Variants in GPR174 observed in about 807,000 individuals in gnomAD.
GPR174 encodes the protein G protein-coupled receptor 174, also known as probable G protein-coupled receptor 174.
In GPR174, 8 loss-of-function variants were observed where a neutral mutation model predicts 16.5. That is an observed-to-expected ratio of 0.48 (90% CI 0.28 to 0.87). GPR174 has a LOEUF of 0.87. Among genes scored for constraint, GPR174 ranks in the 40% least tolerant of loss-of-function variants. The pLI is 0.09. For synonymous variants in GPR174, 111 were observed against 94.8 expected (o/e 1.17, Z -0.99); for missense variants, 214 against 247.5 (o/e 0.86, Z 0.91).
intron 1 of GPR174, among the ~76,000 whole-genome samples, chrX:79,147,572 T>G (rs1318032008): frequency 9.6e-6 from 1 of 103,688 alleles, no homozygotes; most frequent in Admixed American, 1.1e-4. Flanking sequence ...AACAAAGACC[T>G]GGCCATGTAC....
intron 1 of GPR174, among the ~76,000 whole-genome samples, chrX:79,156,100 T>C (rs992193702): frequency 1.9e-4 from 21 of 112,209 alleles, no homozygotes; most frequent in African/African-American, 6.5e-4. Context: ...AACCCCTTCT[T>C]GTAGTATTTT....
At position 79,170,718 on chromosome X, in the gene GPR174, G is replaced by T. The variant is rs190488259; in HGVS notation, c.-290G>T. 2.3e-5 allele frequency: 7 copies of T among 303,613 alleles called. No homozygotes were observed. In the East Asian group the frequency reaches 4.1e-4, roughly 18 times the overall value. The allele number at this position is 303,613 out of a possible 1,213,427, so 25.0% of individuals were successfully genotyped here. On this transcript the variant is annotated 5_prime_UTR_variant, in exon 3 of 3. The change creates a new upstream start codon in the 5' untranslated region. Transcript: ENST00000645147. ...GAATAAGCTCTCATGATGTCCCAGA[G>T]GGCCTTAAAATAAACAAGAGGGGAA...
intron 1 of GPR174, among the ~76,000 whole-genome samples, chrX:79,154,472 A>G (rs752440180): frequency 2.8e-4 from 31 of 111,842 alleles, no homozygotes; most frequent in African/African-American, 1.0e-3. Context: ...AATCTGTGCC[A>G]ACTAGAAAAG....
At position 79,171,295 on chromosome X, in the gene GPR174, C is replaced by T; in HGVS notation, c.288C>T (p.Tyr96=). The stretch of plus-strand genomic sequence containing the variant: ...CTGGTCTCTGCATGTTCTGTTTCTA[C>T]CTGAAGTATGTCAACATGTATGCAA... ...FGPGLCMFCF[Y]LKYVNMYASI... is the part of the protein sequence containing the mutation. The change falls in exon 3 of 3, where the codon TAC becomes TAT. Residue 96 remains tyrosine, a synonymous_variant. Transcript: ENST00000645147. The T allele has an allele frequency of 8.3e-7, 1 of 1,211,311 alleles. No homozygotes were observed. The highest frequency in any genetic ancestry group is 1.1e-6 in the Non-Finnish European group (1 of 895,098).
Position 79,145,034 on chromosome X carries a change from CT to C in GPR174, c.-834del. 1 of 78,061 alleles carries C rather than the reference CT, an allele frequency of 1.3e-5. No individual in the cohort carries two copies. Among genetic ancestry groups the C allele is most frequent in the Non-Finnish European group, 2.5e-5 (1 of 39,541 alleles). 6.4% of individuals were successfully genotyped at this position (78,061 alleles called of 1,213,427 possible). On this transcript the variant is annotated 5_prime_UTR_variant, in exon 1 of 3. Transcript: ENST00000645147. ...TCTTTCTTTCTTTCTTTCTTTCTTTCTTTCTTTCTTTCTTTCTTTCTTTCTT... is the reference window on the plus strand; with the variant it reads ...TCTTTCTTTCTTTCTTTCTTTCTTTCTTCTTTCTTTCTTTCTTTCTTTCTT...
At position 79,172,103 on chromosome X, in the gene GPR174, C is replaced by A; in HGVS notation, c.*94C>A. 1.1e-6 allele frequency: 1 copy of A among 896,872 alleles called. No homozygotes were observed. Among genetic ancestry groups the A allele is most frequent in the Non-Finnish European group, 1.5e-6 (1 of 645,384 alleles). 73.9% of individuals were successfully genotyped at this position (896,872 alleles called of 1,213,427 possible). ...ACAGGGAAGAACTTGCAAAACAACA[C>A]AGCTTTTCAGTTCTGCTCTATCTTA... On this transcript the variant is annotated 3_prime_UTR_variant, in exon 3 of 3. Transcript: ENST00000645147.
At chrX:79,145,765 A>C (rs947963220) in intron 1 of GPR174, among the ~76,000 whole-genome samples, 9 of 111,737 alleles carry the variant, frequency 8.1e-5, no homozygotes, top group African/African-American at 2.9e-4. Flanking sequence ...ACTTATTTTC[A>C]CTGTAAAAGT....
At chrX:79,160,579 C>A (rs1921212860) in intron 2 of GPR174, among the ~76,000 whole-genome samples, 1 of 111,433 alleles carries the variant, frequency 9.0e-6, no homozygotes, top group Non-Finnish European at 1.9e-5. Context: ...TTAGAGGTTC[C>A]AAATGAAGAT....
chrX:79,165,467 C>G (rs940863775), intron 2 of GPR174, among the ~76,000 whole-genome samples: 1 of 111,195 alleles, frequency 9.0e-6, no homozygotes, highest in African/African-American at 3.3e-5. Context: ...AGTTCCTGGG[C>G]CCCATCTTTA....
At position 79,172,069 on chromosome X, in the gene GPR174, AC is replaced by A. The variant is rs1921532551; in HGVS notation, c.*63del. ...AAGTACATCAGAACATATCTGCAAT[AC>A]CCAAGCCACAGGGAAGAACTTGCAA... On this transcript the variant is annotated 3_prime_UTR_variant, in exon 3 of 3. Coordinates refer to ENST00000645147, the MANE Select transcript of GPR174 (RefSeq NM_032553.3). 2.8e-6 allele frequency: 3 copies of A among 1,076,209 alleles called. No individual in the cohort carries two copies. The highest frequency in any genetic ancestry group is 2.5e-6 in the Non-Finnish European group (2 of 803,089). The allele number at this position is 1,076,209 out of a possible 1,213,427, so 88.7% of individuals were successfully genotyped here. A position where few individuals can be genotyped will look rare whatever the true frequency, so the allele number is the denominator to read the frequency against.
chrX:79,153,092 T>A (rs756900026), intron 1 of GPR174, among the ~76,000 whole-genome samples: 1 of 112,519 alleles, frequency 8.9e-6, no homozygotes, highest in East Asian at 2.8e-4. Context: ...GATCAGTGAA[T>A]CGCTGTTTTC....
intron 1 of GPR174, among the ~76,000 whole-genome samples, chrX:79,155,670 G>T (rs1921078980): frequency 1.0e-5 from 1 of 96,555 alleles, no homozygotes; most frequent in Admixed American, 1.1e-4. Flanking sequence ...TTTTACATGA[G>T]GAAGAAACAG....
intron 1 of GPR174, among the ~76,000 whole-genome samples, chrX:79,146,921 C>T (rs190589986): frequency 7.2e-5 from 8 of 111,297 alleles, no homozygotes; most frequent in Non-Finnish European, 1.5e-4. Flanking sequence ...ACTCCTTTTC[C>T]TGATCTCCAC....
chrX:79,149,389 G>A (rs911288062), intron 1 of GPR174, among the ~76,000 whole-genome samples: 3 of 111,188 alleles, frequency 2.7e-5, no homozygotes. Context: ...TTAAAGCTAG[G>A]TAGTACTGAT....
chrX:79,157,239 A>G (rs1283304683), intron 2 of GPR174, among the ~76,000 whole-genome samples: 2 of 112,201 alleles, frequency 1.8e-5, no homozygotes, highest in Non-Finnish European at 3.8e-5. Context: ...CTATCTTGAC[A>G]TTTTGTTTAC....
intron 2 of GPR174, among the ~76,000 whole-genome samples, chrX:79,168,724 C>G (rs1433633077): frequency 9.1e-6 from 1 of 109,637 alleles, no homozygotes; most frequent in Non-Finnish European, 1.9e-5. Context: ...CTCTTAAGAA[C>G]AACACCAAAA....
intron 2 of GPR174, among the ~76,000 whole-genome samples, chrX:79,168,526 C>A (rs1921431273): frequency 2.4e-5 from 2 of 82,635 alleles, no homozygotes; most frequent in African/African-American, 4.1e-5. Flanking sequence ...AAGCAAGACC[C>A]CAATCTCTAC....
chrX:79,160,395 A>G (rs1291903792), intron 2 of GPR174, among the ~76,000 whole-genome samples: 3 of 112,055 alleles, frequency 2.7e-5, no homozygotes, highest in Non-Finnish European at 5.6e-5. Context: ...CAAAGTGACA[A>G]GTTAGGACAG....
intron 2 of GPR174, among the ~76,000 whole-genome samples, chrX:79,169,867 C>A (rs989374918): frequency 6.3e-5 from 7 of 111,699 alleles, no homozygotes; most frequent in African/African-American, 2.3e-4. Flanking sequence ...GCTGGTTGTC[C>A]ATTTATTTTT....
Sources: allele counts gnomAD v4.1 joint callset (sites outside exome capture counted in the v4.1 genomes callset), GRCh38; gene constraint gnomAD v4.1.1; transcripts MANE v1.5; gene names NCBI Gene and HGNC (gene_info 2026-07-23, HGNC 2026-07-21).